GRAMD1C: variants seen among roughly 807,000 people sequenced by gnomAD.
The protein encoded by GRAMD1C is GRAM domain containing 1C, also known as protein Aster-C.
GRAMD1C carries 89 observed loss-of-function variants against 97.8 expected under a neutral mutation model. That is an observed-to-expected ratio of 0.91 (90% CI 0.77 to 1.09). The LOEUF (loss-of-function observed/expected upper bound fraction) is 1.09. Ranked by LOEUF, GRAMD1C falls within the 50% of genes least tolerant of loss-of-function variation. The pLI is 0.00. For missense variants in GRAMD1C, 740 were observed against 766.4 expected (o/e 0.97, Z 0.41); for synonymous variants, 256 against 267.0 (o/e 0.96, Z 0.40).
chr3:113,899,454 A>ATGGGAT (rs755603017), intron 6 of GRAMD1C, among the ~76,000 whole-genome samples: 1 of 151,648 alleles, frequency 6.6e-6, no homozygotes, highest in Admixed American at 6.6e-5. Context: ...ATGTCTCTTC[A>ATGGGAT]ACTATATTAA....
chr3:113,835,849 C>T (rs973113351), upstream of GRAMD1C, among the ~76,000 whole-genome samples: 7 of 152,096 alleles, frequency 4.6e-5, no homozygotes, highest in East Asian at 1.9e-4. Context: ...TGTTCTGTGA[C>T]GTTTTTTATG....
chr3:113,906,913 T>C (rs1936392812), intron 8 of GRAMD1C, among the ~76,000 whole-genome samples: 1 of 152,240 alleles, frequency 6.6e-6, no homozygotes, highest in African/African-American at 2.4e-5. Context: ...TGTGTTATAC[T>C]GCCTACAGTA....
chr3:113,922,080 T>A (rs374849073), intron 10 of GRAMD1C, among the ~76,000 whole-genome samples: 2 of 151,996 alleles, frequency 1.3e-5, no homozygotes, highest in African/African-American at 4.8e-5. Flanking sequence ...CTTTCTTTTT[T>A]TTTTCTTTTT....
chr3:113,926,653 C>T (rs1431095443), intron 10 of GRAMD1C, among the ~76,000 whole-genome samples: 4 of 152,132 alleles, frequency 2.6e-5, no homozygotes, highest in South Asian at 4.2e-4. Flanking sequence ...TTCCTTTTAT[C>T]TCTGAAGTTG....
intron 10 of GRAMD1C, chr3:113,919,528 G>A (rs766835985): frequency 1.8e-6 from 1 of 548,734 alleles, no homozygotes; most frequent in Non-Finnish European, 3.7e-6. Flanking sequence ...AACTGACTCA[G>A]AGAAGAAGTT....
chr3:113,930,563 C>A, intron 10 of GRAMD1C, 151 bp from the exon 11 acceptor site: 1 of 498,454 alleles, frequency 2.0e-6, no homozygotes. Flanking sequence ...TCTCTCTTTT[C>A]TTTAATGTTA....
intron 3 of GRAMD1C, among the ~76,000 whole-genome samples, chr3:113,872,412 T>TTTTTTTTTG (rs1934858532): frequency 7.3e-6 from 1 of 136,548 alleles, no homozygotes; most frequent in Non-Finnish European, 1.6e-5. Flanking sequence ...TTTTTTTTTT[T>TTTTTTTTTG]GAGATAGAGT....
chr3:113,875,730 C>CAT (rs10662527), intron 4 of GRAMD1C, 143 bp downstream of exon 4: 564,052 of 564,650 alleles, frequency 1, 281,731 homozygotes, highest in East Asian at 1. Context: ...TAAATACAAA[C>CAT]GTGTTGTATA....
At chr3:113,833,120 CTTTTTT>C (rs200062835) in intron 1 of GRAMD1C, among the ~76,000 whole-genome samples, 1 of 129,474 alleles carries the variant, frequency 7.7e-6, no homozygotes, top group East Asian at 2.2e-4. Flanking sequence ...TTCTTTCTTT[CTTTTTT>C]TTTTTTTTTG....
chr3:113,901,413 C>T (rs1936166919), intron 7 of GRAMD1C, among the ~76,000 whole-genome samples: 1 of 152,100 alleles, frequency 6.6e-6, no homozygotes, highest in Non-Finnish European at 1.5e-5. Context: ...TATTAAGGAT[C>T]TGGAGAAGTA....
chr3:113,931,183 T>C (rs1478864788), intron 11 of GRAMD1C, among the ~76,000 whole-genome samples: 4 of 152,124 alleles, frequency 2.6e-5, no homozygotes, highest in African/African-American at 4.8e-5. Context: ...GATGACATTA[T>C]ATTGATGTCT....
intron 6 of GRAMD1C, among the ~76,000 whole-genome samples, chr3:113,888,696 G>A (rs1267734863): frequency 6.6e-6 from 1 of 152,192 alleles, no homozygotes; most frequent in Non-Finnish European, 1.5e-5. Context: ...ATGCTGTTGA[G>A]GATGTGGAGA....
Position 113,832,045 on chromosome 3 carries a change from T to TC in GRAMD1C, n.98+3766_98+3767insC, listed in dbSNP as rs201891017. Reference sequence around the variant, plus strand: ...ATTATAATGCAGCAACTTTGTTTTTTTTGAGACAGAGTCTTACTCTGTCGC... The same window carrying TC: ...ATTATAATGCAGCAACTTTGTTTTTTCTTGAGACAGAGTCTTACTCTGTCGC... On this transcript the variant is annotated intron_variant and non_coding_transcript_variant, in intron 1 of 18. Transcript: ENST00000479212. Among the ~76,000 whole-genome samples, 706 of 152,078 alleles carry TC rather than the reference T, an allele frequency of 4.6e-3. 11 individuals carry two copies. Among genetic ancestry groups the TC allele is most frequent in the African/African-American group, 0.016 (668 of 41,348 alleles).
At chr3:113,932,364 C>T (rs1373585266) in intron 11 of GRAMD1C, among the ~76,000 whole-genome samples, 1 of 152,054 alleles carries the variant, frequency 6.6e-6, no homozygotes, top group Non-Finnish European at 1.5e-5. Context: ...TTTGGAAGCC[C>T]CCCCAACCCC....
chr3:113,923,548 C>A (rs150217572), intron 10 of GRAMD1C, among the ~76,000 whole-genome samples: 41 of 152,226 alleles, frequency 2.7e-4, no homozygotes, highest in African/African-American at 9.9e-4. Context: ...GTTTTTAGTT[C>A]TGTTTATGTG....
intron 4 of GRAMD1C, chr3:113,875,845 G>A: frequency 5.1e-6 from 2 of 394,844 alleles, no homozygotes; most frequent in Non-Finnish European, 8.9e-6. Flanking sequence ...CTTAATGGCT[G>A]CCAAAACCAT....
intron 3 of GRAMD1C, 35 bp downstream of exon 3, chr3:113,869,626 C>T: frequency 1.1e-6 from 1 of 907,948 alleles, no homozygotes; most frequent in Non-Finnish European, 1.8e-6. Context: ...AGTTTTATTA[C>T]CTCATTATAA....
At chr3:113,874,390 G>A (rs1339360077) in intron 3 of GRAMD1C, among the ~76,000 whole-genome samples, 7 of 151,244 alleles carry the variant, frequency 4.6e-5, no homozygotes, top group African/African-American at 1.7e-4. Context: ...ACAGAGTCTC[G>A]CTCCCTGGAG....
upstream of GRAMD1C, chr3:113,838,289 T>C (rs1246154048): frequency 6.6e-6 from 1 of 152,316 alleles, no homozygotes; most frequent in East Asian, 1.9e-4. Context: ...AAGAGTTTCC[T>C]GGCCGGGGGC....
Sources: gnomAD v4.1 joint callset for allele counts (sites outside exome capture counted in the v4.1 genomes callset) on GRCh38, gnomAD v4.1.1 for gene constraint, MANE v1.5 for transcripts, NCBI Gene and HGNC (gene_info 2026-07-23, HGNC 2026-07-21) for gene names.